Variants in IFT43 observed in about 807,000 individuals in gnomAD.
IFT43 encodes the protein intraflagellar transport 43.
In IFT43, 33 loss-of-function variants were observed where a neutral mutation model predicts 32.3. That is an observed-to-expected ratio of 1.02 (90% CI 0.77 to 1.37). The LOEUF (loss-of-function observed/expected upper bound fraction) is 1.37, where lower values mean the gene tolerates loss of function less well. Ranked by LOEUF, IFT43 falls within the 40% of genes most tolerant of loss-of-function variation. The probability of loss-of-function intolerance (pLI) is 0.00; values close to 1 mark genes in which losing one functional copy is unlikely to be tolerated. For missense variants in IFT43, 274 were observed against 265.9 expected, an observed-to-expected ratio of 1.03 and a Z score of -0.21; for synonymous variants, 93 against 98.2, an observed-to-expected ratio of 0.95 and a Z score of 0.31.
intron 2 of IFT43, among the ~76,000 whole-genome samples, chr14:76,015,310 C>G (rs2036166608): frequency 6.6e-6 from 1 of 152,104 alleles, no homozygotes; most frequent in Non-Finnish European, 1.5e-5. Flanking sequence ...TCTAAATGCC[C>G]AAGCCTACTT....
At chr14:76,053,141 A>C (rs1480905228) in intron 3 of IFT43, among the ~76,000 whole-genome samples, 1 of 152,238 alleles carries the variant, frequency 6.6e-6, no homozygotes, top group Non-Finnish European at 1.5e-5. Context: ...GATAATGTAT[A>C]CTGTATAGGA....
intron 3 of IFT43, among the ~76,000 whole-genome samples, chr14:76,051,638 A>G (rs560625956): frequency 6.6e-6 from 1 of 152,262 alleles, no homozygotes; most frequent in South Asian, 2.1e-4. Flanking sequence ...TGAGGTTTGG[A>G]GGCAACTGTG....
At chr14:76,033,958 T>C (rs1196500897) in intron 3 of IFT43, among the ~76,000 whole-genome samples, 7 of 152,284 alleles carry the variant, frequency 4.6e-5, no homozygotes, top group Admixed American at 2.6e-4. Context: ...GCTGGATGAA[T>C]TTTGATGGTC....
intron 2 of IFT43, among the ~76,000 whole-genome samples, chr14:76,012,496 C>T (rs778925064): frequency 6.6e-6 from 1 of 152,210 alleles, no homozygotes; most frequent in African/African-American, 2.4e-5. Flanking sequence ...GGACTGCAAC[C>T]GCCAGTCACG....
rs140186648 is a variant in IFT43, at chr14:76,081,356, C to T, written c.296-939C>T. On this transcript the variant is annotated intron_variant, in intron 5 of 8. Coordinates refer to ENST00000314067, the MANE Select transcript of IFT43 (RefSeq NM_001102564.3). ...TACAGTTGCTTTGGGAATTCCAGGA[C>T]TGTCTCACCCCACCAGGCCTTTTTT... 1.2e-3 allele frequency among the ~76,000 whole-genome samples: 179 copies of T among 152,376 alleles called. 3 individuals carry two copies. The South Asian group carries it at 0.026, about 22-fold the overall frequency.
intron 5 of IFT43, among the ~76,000 whole-genome samples, chr14:76,066,750 T>G (rs1200762974): frequency 1.3e-5 from 2 of 152,234 alleles, no homozygotes; most frequent in Non-Finnish European, 2.9e-5. Flanking sequence ...AGGAGCACTA[T>G]CACTTAGGAA....
At chr14:76,058,587 G>A in intron 3 of IFT43, 55 bp from the exon 4 acceptor site, 1 of 1,605,714 alleles carries the variant, frequency 6.2e-7, no homozygotes, top group Non-Finnish European at 8.5e-7. Context: ...GATACTACCT[G>A]GTGCATGAGA....
intron 3 of IFT43, among the ~76,000 whole-genome samples, chr14:76,032,625 C>T (rs762250117): frequency 2.4e-4 from 37 of 152,192 alleles, no homozygotes; most frequent in Non-Finnish European, 1.9e-4. Flanking sequence ...TTTACATACC[C>T]CCAGTCTCCT....
At chr14:76,022,558 C>T in intron 3 of IFT43, 164 bp downstream of exon 3, 1 of 544,696 alleles carries the variant, frequency 1.8e-6, no homozygotes, top group South Asian at 2.5e-5. Flanking sequence ...TTAATATATT[C>T]ACAGAGTTGT....
intron 2 of IFT43, among the ~76,000 whole-genome samples, chr14:76,004,031 C>T (rs569369566): frequency 1.1e-4 from 16 of 152,308 alleles, no homozygotes; most frequent in African/African-American, 3.9e-4. Context: ...CTGCCTCGGC[C>T]TCCCAAAGTG....
intron 5 of IFT43, among the ~76,000 whole-genome samples, chr14:76,072,712 C>G (rs2037343006): frequency 6.6e-6 from 1 of 152,182 alleles, no homozygotes; most frequent in African/African-American, 2.4e-5. Context: ...AATAGCAAAT[C>G]ATCCAGCATT....
At chr14:76,045,548 A>G (rs1241175205) in intron 3 of IFT43, among the ~76,000 whole-genome samples, 4 of 152,218 alleles carry the variant, frequency 2.6e-5, no homozygotes, top group Admixed American at 2.6e-4. Context: ...GGAGAGGTCC[A>G]GGGCTTAGCA....
intron 1 of IFT43, 45 bp downstream of exon 1, chr14:75,985,885 G>A: frequency 6.2e-7 from 1 of 1,605,204 alleles, no homozygotes; most frequent in Non-Finnish European, 8.5e-7. Flanking sequence ...TTTGGCGGGT[G>A]GGGAGGAGCG....
intron 4 of IFT43, 196 bp from the exon 5 acceptor site, chr14:76,059,131 T>C (rs1340232475): frequency 6.7e-7 from 1 of 1,491,868 alleles, no homozygotes; most frequent in Non-Finnish European, 8.9e-7. Flanking sequence ...TCCTCTGGAA[T>C]AGTGCATCGC....
intron 2 of IFT43, among the ~76,000 whole-genome samples, chr14:76,001,991 T>G (rs774038536): frequency 6.6e-6 from 1 of 152,228 alleles, no homozygotes; most frequent in African/African-American, 2.4e-5. Flanking sequence ...CTCATGCCTT[T>G]TATCCCAGCA....
At chr14:76,072,507 T>A (rs1376930045) in intron 5 of IFT43, among the ~76,000 whole-genome samples, 1 of 152,192 alleles carries the variant, frequency 6.6e-6, no homozygotes, top group Admixed American at 6.5e-5. Flanking sequence ...GTCTCCGGGA[T>A]TCCATTTTCC....
At chr14:76,066,613 A>G (rs2140069532) in intron 5 of IFT43, among the ~76,000 whole-genome samples, 1 of 152,370 alleles carries the variant, frequency 6.6e-6, no homozygotes, top group South Asian at 2.1e-4. Context: ...AAACTCGGGA[A>G]TGATTTCCCT....
chr14:75,998,923 C>T (rs1348200680), intron 2 of IFT43, among the ~76,000 whole-genome samples: 1 of 152,056 alleles, frequency 6.6e-6, no homozygotes, highest in African/African-American at 2.4e-5. Flanking sequence ...TTTGTAGAGA[C>T]AAGGTCATGC....
intron 3 of IFT43, among the ~76,000 whole-genome samples, chr14:76,043,875 T>C (rs1438224952): frequency 1.3e-5 from 2 of 152,144 alleles, no homozygotes; most frequent in African/African-American, 4.8e-5. Flanking sequence ...CCAGTGCCAG[T>C]TGCAAGCCCT....
Sources: allele counts gnomAD v4.1 joint callset (sites outside exome capture counted in the v4.1 genomes callset), GRCh38; gene constraint gnomAD v4.1.1; transcripts MANE v1.5; gene names NCBI Gene and HGNC (gene_info 2026-07-23, HGNC 2026-07-21).